GFOD2: variants seen among roughly 807,000 people sequenced by gnomAD.
GFOD2 encodes the protein Gfo/Idh/MocA-like oxidoreductase domain containing 2.
In GFOD2, 9 loss-of-function variants were observed where a neutral mutation model predicts 24.6. The ratio of observed to expected loss-of-function variants is 0.37; its 90% CI spans 0.22 to 0.64. GFOD2 has a LOEUF of 0.64. GFOD2 is among the 30% of genes least tolerant of loss of function. The probability of loss-of-function intolerance (pLI) is 0.65; values close to 1 mark genes in which losing one functional copy is unlikely to be tolerated. For missense variants in GFOD2, 476 were observed against 532.5 expected, an observed-to-expected ratio of 0.89 and a Z score of 1.04; for synonymous variants, 211 against 224.8, an observed-to-expected ratio of 0.94 and a Z score of 0.55.
At chr16:67,685,275 G>C in intron 2 of GFOD2, 182 bp downstream of exon 2, 1 of 1,441,854 alleles carries the variant, frequency 6.9e-7, no homozygotes. Flanking sequence ...TGGGAGGTAG[G>C]TTAGGCTATG....
chr16:67,702,592 ATT>A lies in GFOD2; in HGVS notation c.-88+16569_-88+16570del, dbSNP rs561204882. Among the ~76,000 whole-genome samples, 540 of 104,592 alleles carry A rather than the reference ATT, an allele frequency of 5.2e-3. 1 individual carries two copies. Among genetic ancestry groups the A allele is most frequent in the African/African-American group, 0.016 (473 of 28,814 alleles). 68.6% of individuals were successfully genotyped at this position (104,592 alleles called of 152,430 possible). Reference sequence around the variant, plus strand: ...CAGTATTGTCATGAAGGTAGCCAGGATTTTTTTTTTTTTTTTTTTTTTTTTGA... The same window carrying A: ...CAGTATTGTCATGAAGGTAGCCAGGATTTTTTTTTTTTTTTTTTTTTTTGA... On this transcript the variant is annotated intron_variant, in intron 1 of 2. Coordinates refer to ENST00000268797, the MANE Select transcript of GFOD2 (RefSeq NM_030819.4).
At chr16:67,676,160 T>A in intron 2 of GFOD2, 107 bp from the exon 3 acceptor site, 1 of 1,128,390 alleles carries the variant, frequency 8.9e-7, no homozygotes, top group South Asian at 1.6e-5. Flanking sequence ...CTGCACGAAC[T>A]AATTTTTTTT....
chr16:67,706,632 G>C (rs1472414971), intron 1 of GFOD2, among the ~76,000 whole-genome samples: 1 of 152,188 alleles, frequency 6.6e-6, no homozygotes, highest in East Asian at 1.9e-4. Flanking sequence ...AGTACTTTTT[G>C]AAATCATGGG....
chr16:67,688,198 G>GT lies in GFOD2; in HGVS notation c.-87-2397dup, dbSNP rs149670200. ...AAACACACACTATCAGAAGTATGGGGTTTTTTTTAAAAAAAGCACACAAAA... is the reference window on the plus strand; with the variant it reads ...AAACACACACTATCAGAAGTATGGGGTTTTTTTTTAAAAAAAGCACACAAAA... On this transcript the variant is annotated intron_variant, in intron 1 of 2. Coordinates refer to ENST00000268797, the MANE Select transcript of GFOD2 (RefSeq NM_030819.4). 4.1e-3 allele frequency among the ~76,000 whole-genome samples: 620 copies of GT among 151,704 alleles called. 3 individuals are homozygous for GT. Among genetic ancestry groups the GT allele is most frequent in the African/African-American group, 0.014 (571 of 41,360 alleles).
chr16:67,681,670 A>C (rs1416738481), intron 2 of GFOD2: 1 of 964,474 alleles, frequency 1.0e-6, no homozygotes, highest in African/African-American at 1.8e-5. Context: ...TTGGCCTCCC[A>C]AAGTGCTGGA....
intron 1 of GFOD2, among the ~76,000 whole-genome samples, chr16:67,693,252 A>G (rs1380862452): frequency 6.6e-6 from 1 of 151,190 alleles, no homozygotes; most frequent in African/African-American, 2.4e-5. Flanking sequence ...AAAGAACCTT[A>G]TTTCAAATTA....
intron 2 of GFOD2, among the ~76,000 whole-genome samples, chr16:67,678,050 G>C (rs1313313814): frequency 6.6e-6 from 1 of 152,252 alleles, no homozygotes; most frequent in Non-Finnish European, 1.5e-5. Flanking sequence ...GCTCACTGCA[G>C]GGTGCAGCTT....
intron 2 of GFOD2, chr16:67,682,849 G>T: frequency 1.0e-6 from 1 of 984,896 alleles, no homozygotes; most frequent in South Asian, 4.7e-5. Context: ...AAAATGATTG[G>T]ATCAGTGGCT....
rs2053170890 is a variant in GFOD2 at position 67,674,862 on chromosome 16, T to A, written c.*293A>T. The A allele has an allele frequency of 1.5e-5, 6 of 405,646 alleles. No homozygotes were observed. The highest frequency in any genetic ancestry group is 2.7e-5 in the Non-Finnish European group (6 of 224,070). 25.1% of individuals were successfully genotyped at this position (405,646 alleles called of 1,614,324 possible). A position where few individuals can be genotyped will look rare whatever the true frequency, so the allele number is the denominator to read the frequency against. Reference sequence around the variant, plus strand: ...AGGACTGCGGATCAGGCTGAAGGGCTCCCCAGGGTGAGCCTTTCCTGGTCC... The same window carrying A: ...AGGACTGCGGATCAGGCTGAAGGGCACCCCAGGGTGAGCCTTTCCTGGTCC... On this transcript the variant is annotated 3_prime_UTR_variant, in exon 3 of 3. Coordinates refer to ENST00000268797, the MANE Select transcript of GFOD2 (RefSeq NM_030819.4).
At chr16:67,683,844 C>T in intron 2 of GFOD2, 3 of 1,211,586 alleles carry the variant, frequency 2.5e-6, no homozygotes, top group Non-Finnish European at 3.1e-6. Flanking sequence ...TCTTCGGCTG[C>T]ATCAAGGAGA....
chr16:67,710,427 C>G (rs925750923), intron 1 of GFOD2, among the ~76,000 whole-genome samples: 1 of 152,068 alleles, frequency 6.6e-6, no homozygotes, highest in Non-Finnish European at 1.5e-5. Context: ...TGCAGTGGTG[C>G]GATCTCAGCT....
intron 2 of GFOD2, chr16:67,685,191 G>A: frequency 2.1e-6 from 3 of 1,408,372 alleles, no homozygotes; most frequent in Non-Finnish European, 2.8e-6. Flanking sequence ...TGTTGACTGA[G>A]ATGCAACCAT....
intron 2 of GFOD2, chr16:67,681,944 C>T: frequency 1.1e-6 from 1 of 949,038 alleles, no homozygotes; most frequent in Non-Finnish European, 1.3e-6. Context: ...CTTTGGGGGG[C>T]CAAAGTAGGA....
intron 1 of GFOD2, among the ~76,000 whole-genome samples, chr16:67,707,577 A>G (rs1597803725): frequency 6.6e-6 from 1 of 152,192 alleles, no homozygotes; most frequent in African/African-American, 2.4e-5. Flanking sequence ...AATTATACAA[A>G]TGTTCACAGC....
intron 1 of GFOD2, among the ~76,000 whole-genome samples, chr16:67,687,467 T>C (rs921279965): frequency 3.3e-5 from 5 of 151,354 alleles, no homozygotes; most frequent in East Asian, 1.9e-4. Flanking sequence ...AGTGAAACCC[T>C]GTCTCTACTA....
intron 1 of GFOD2, among the ~76,000 whole-genome samples, chr16:67,686,366 C>T (rs531266163): frequency 3.3e-5 from 5 of 152,206 alleles, no homozygotes; most frequent in East Asian, 1.9e-4. Flanking sequence ...AGAGGAAAAA[C>T]GGAAAATGAA....
chr16:67,716,783 T>C (rs2053509771), intron 1 of GFOD2, among the ~76,000 whole-genome samples: 1 of 152,260 alleles, frequency 6.6e-6, no homozygotes, highest in East Asian at 1.9e-4. Flanking sequence ...TTATAACTCC[T>C]GAGGTATTTA....
chr16:67,688,240 G>C (rs937723529), intron 1 of GFOD2, among the ~76,000 whole-genome samples: 1 of 152,042 alleles, frequency 6.6e-6, no homozygotes. Context: ...TAATAGGTAT[G>C]AGTATATATA....
intron 1 of GFOD2, among the ~76,000 whole-genome samples, chr16:67,700,456 A>G (rs2053393846): frequency 6.6e-6 from 1 of 152,276 alleles, no homozygotes. Flanking sequence ...GACAGCATTA[A>G]TTAGAAATAC....
Sources: allele counts gnomAD v4.1 joint callset (sites outside exome capture counted in the v4.1 genomes callset), GRCh38; gene constraint gnomAD v4.1.1; transcripts MANE v1.5; gene names NCBI Gene and HGNC (gene_info 2026-07-23, HGNC 2026-07-21).